Variants in AFAP1 observed in about 807,000 individuals in gnomAD.
The protein encoded by AFAP1 is actin filament associated protein 1.
Under a neutral mutation model 93.9 loss-of-function variants are expected in AFAP1, and 75 were observed. The ratio of observed to expected loss-of-function variants is 0.80; its 90% CI spans 0.66 to 0.97. The LOEUF (loss-of-function observed/expected upper bound fraction) is 0.97, where lower values mean the gene tolerates loss of function less well. AFAP1 is among the 50% of genes least tolerant of loss of function. The pLI is 0.00. For synonymous variants in AFAP1, 517 were observed against 430.7 expected (o/e 1.20, Z -2.48); for missense variants, 1,201 against 1,050.8 (o/e 1.14, Z -1.98).
intron 2 of AFAP1, among the ~76,000 whole-genome samples, 197 bp from the exon 3 acceptor site, chr4:7,868,916 T>G (rs1399834340): frequency 2.0e-5 from 2 of 97,882 alleles, no homozygotes; most frequent in African/African-American, 4.0e-5. Context: ...TTAAATAAAG[T>G]GAAAGAAAAG....
chr4:7,767,081 T>G (rs1714705989), intron 17 of AFAP1, among the ~76,000 whole-genome samples: 1 of 152,114 alleles, frequency 6.6e-6, no homozygotes, highest in Non-Finnish European at 1.5e-5. Context: ...CAGCCAGGGG[T>G]CCCCTGTCAC....
chr4:7,938,613 C>T (rs1280902956), intron 1 of AFAP1, among the ~76,000 whole-genome samples: 1 of 152,130 alleles, frequency 6.6e-6, no homozygotes, highest in Non-Finnish European at 1.5e-5. Context: ...ACTGCCTTGG[C>T]CTCATTCCGT....
chr4:7,827,569 C>CAAAAAAAAAAAAAAAAAAAAAAAAAAAA (rs58075483), intron 6 of AFAP1, among the ~76,000 whole-genome samples: 14 of 52,244 alleles, frequency 2.7e-4, no homozygotes, highest in Admixed American at 5.8e-4. Context: ...ACTCTGTCTC[C>CAAAAAAAAAAAAAAAAAAAAAAAAAAAA]AAAAAAAAAA....
At chr4:7,880,469 G>T (rs976351876) in intron 1 of AFAP1, among the ~76,000 whole-genome samples, 1 of 152,056 alleles carries the variant, frequency 6.6e-6, no homozygotes, top group East Asian at 1.9e-4. Flanking sequence ...TAGTAGAGAC[G>T]GGGTTTCACC....
intron 4 of AFAP1, among the ~76,000 whole-genome samples, chr4:7,853,017 C>T (rs767090167): frequency 2.1e-4 from 32 of 152,248 alleles, no homozygotes; most frequent in Non-Finnish European, 4.6e-4. Flanking sequence ...CTCAAGCGTG[C>T]GCTGCTCGTC....
At chr4:7,890,227 C>A (rs566538885) in intron 1 of AFAP1, among the ~76,000 whole-genome samples, 2 of 152,208 alleles carry the variant, frequency 1.3e-5, no homozygotes, top group East Asian at 3.9e-4. Context: ...TTCACCCACA[C>A]ATAAACGGTC....
chr4:7,797,430 T>C (rs986610467), intron 10 of AFAP1, among the ~76,000 whole-genome samples: 25 of 152,194 alleles, frequency 1.6e-4, no homozygotes, highest in Non-Finnish European at 7.3e-5. Context: ...ACAGACGCTG[T>C]GGGCCTCCTG....
chr4:7,879,309 A>G (rs753714157), intron 1 of AFAP1, among the ~76,000 whole-genome samples: 2 of 152,194 alleles, frequency 1.3e-5, no homozygotes, highest in African/African-American at 2.4e-5. Context: ...CATCATTGAG[A>G]TATTACAGAC....
intron 8 of AFAP1, among the ~76,000 whole-genome samples, chr4:7,815,050 T>C (rs182433962): frequency 4.2e-4 from 64 of 152,400 alleles, no homozygotes; most frequent in African/African-American, 1.4e-3. Context: ...GTGGTCCATC[T>C]ATCCAATGGA....
intron 4 of AFAP1, among the ~76,000 whole-genome samples, chr4:7,852,394 T>C (rs893510037): frequency 2.6e-5 from 4 of 152,086 alleles, no homozygotes; most frequent in Admixed American, 6.5e-5. Flanking sequence ...CTCGTGTCAG[T>C]AACAGGCAAA....
chr4:7,894,908 G>A (rs1718680485), intron 1 of AFAP1, among the ~76,000 whole-genome samples: 1 of 152,224 alleles, frequency 6.6e-6, no homozygotes, highest in Non-Finnish European at 1.5e-5. Flanking sequence ...GGGGGATGCT[G>A]GAAGGCCTGC....
chr4:7,820,709 C>G (rs1720900654), intron 6 of AFAP1, among the ~76,000 whole-genome samples: 1 of 152,106 alleles, frequency 6.6e-6, no homozygotes, highest in African/African-American at 2.4e-5. Flanking sequence ...TGTTCCTTCT[C>G]CTGCTGAAGG....
chr4:7,852,330 G>A (rs942219830), intron 4 of AFAP1, among the ~76,000 whole-genome samples: 2 of 152,142 alleles, frequency 1.3e-5, no homozygotes, highest in Admixed American at 1.3e-4. Context: ...GCAAGATATG[G>A]CAATGGTTTC....
intron 13 of AFAP1, among the ~76,000 whole-genome samples, chr4:7,779,433 C>A (rs575913199): frequency 6.6e-6 from 1 of 152,374 alleles, no homozygotes; most frequent in Non-Finnish European, 1.5e-5. Context: ...TGAACTTCCA[C>A]TAACTACAGG....
At chr4:7,937,370 G>A (rs1053405977) in intron 1 of AFAP1, among the ~76,000 whole-genome samples, 3 of 152,206 alleles carry the variant, frequency 2.0e-5, no homozygotes, top group African/African-American at 7.2e-5. Context: ...TAAAGGTGTA[G>A]GGCTGAAAAG....
chr4:7,921,208 G>A (rs1345305196), intron 1 of AFAP1, among the ~76,000 whole-genome samples: 28 of 104,234 alleles, frequency 2.7e-4, no homozygotes, highest in African/African-American at 1.2e-3. Flanking sequence ...TTTTGAGATG[G>A]AGTCTTGCTC....
chr4:7,929,003 G>T (rs192011716), intron 1 of AFAP1, among the ~76,000 whole-genome samples: 9 of 152,308 alleles, frequency 5.9e-5, no homozygotes, highest in Admixed American at 5.2e-4. Flanking sequence ...AGATCACTCC[G>T]ATCGCAGAGG....
At chr4:7,892,804 T>G (rs896272453) in intron 1 of AFAP1, among the ~76,000 whole-genome samples, 1 of 151,818 alleles carries the variant, frequency 6.6e-6, no homozygotes, top group Admixed American at 6.6e-5. Flanking sequence ...CCAGCTGGGA[T>G]GAAATTGCAG....
At chr4:7,767,674 C>T (rs1714798730) in intron 17 of AFAP1, among the ~76,000 whole-genome samples, 1 of 152,184 alleles carries the variant, frequency 6.6e-6, no homozygotes, top group Non-Finnish European at 1.5e-5. Context: ...AACCATGTTT[C>T]TCAGGGGCCC....
Sources: gnomAD v4.1 joint callset for allele counts (sites outside exome capture counted in the v4.1 genomes callset) on GRCh38, gnomAD v4.1.1 for gene constraint, MANE v1.5 for transcripts, NCBI Gene and HGNC (gene_info 2026-07-23, HGNC 2026-07-21) for gene names.